Variants in CDH4 observed in about 807,000 individuals in gnomAD.
CDH4 encodes cadherin 4, also known as cadherin-4.
CDH4 carries 33 observed loss-of-function variants against 86.0 expected under a neutral mutation model. The ratio of observed to expected loss-of-function variants is 0.38; its 90% confidence interval spans 0.29 to 0.51. CDH4 has a LOEUF of 0.51. CDH4 is among the 20% of genes least tolerant of loss of function. The pLI is 0.86. For synonymous variants in CDH4, 555 were observed against 549.4 expected, an observed-to-expected ratio of 1.01 and a Z score of -0.14; for missense variants, 1,114 against 1,307.4, an observed-to-expected ratio of 0.85 and a Z score of 2.28.
chr20:61,609,146 C>G (rs531100917), intron 2 of CDH4, among the ~76,000 whole-genome samples: 1 of 152,216 alleles, frequency 6.6e-6, no homozygotes, highest in African/African-American at 2.4e-5. Flanking sequence ...TTAGTGCAAT[C>G]AAGCCATTAT....
At position 61,383,134 on chromosome 20, in the gene CDH4, A is replaced by G. The variant is rs1020148578; in HGVS notation, c.169+128197A>G. On this transcript the variant is annotated intron_variant, in intron 2 of 15. Coordinates refer to ENST00000614565, the MANE Select transcript of CDH4 (RefSeq NM_001794.5). ...TATATAGAATATATATGAATATATT[A>G]TATATATGAATATATATGAATATAT... Among the ~76,000 whole-genome samples the G allele has an allele frequency of 6.5e-5, 6 of 92,854 alleles. 2 individuals are homozygous for G. Among genetic ancestry groups the G allele is most frequent in the African/African-American group, 2.8e-4 (6 of 21,536 alleles). The allele number at this position is 92,854 out of a possible 152,430, so 60.9% of individuals were successfully genotyped here. A position where few individuals can be genotyped will look rare whatever the true frequency, so the allele number is the denominator to read the frequency against.
intron 9 of CDH4, among the ~76,000 whole-genome samples, chr20:61,922,643 C>G (rs57959836): frequency 0.024 from 3,592 of 152,320 alleles, 151 homozygotes; most frequent in African/African-American, 0.082. Context: ...AGAGGAGAAC[C>G]CACTGCCTGC....
intron 2 of CDH4, among the ~76,000 whole-genome samples, chr20:61,543,768 C>T (rs1285670836): frequency 6.6e-6 from 1 of 152,118 alleles, no homozygotes; most frequent in African/African-American, 2.4e-5. Context: ...TGTAAATTGG[C>T]CTCCTGCAAC....
In CDH4 at chr20:61,708,539, G is replaced by A. The variant is rs1045498584; in HGVS notation, c.170-35024G>A. ...GGCCACACAGCCCTGACTCGTAGCC[G>A]GTGGCTGCAGGCTCTTTGCCCCCCA... is the stretch of plus-strand genomic sequence containing the variant. On this transcript the variant is annotated intron_variant, in intron 2 of 15. Transcript: ENST00000614565. This position sits in a 1 kb window ranked among gnomAD's most constrained non-coding sequence, Gnocchi z 4.5. 5.3e-5 allele frequency among the ~76,000 whole-genome samples: 8 copies of A among 152,112 alleles called. No individual in the cohort carries two copies. The highest frequency in any genetic ancestry group is 1.0e-4 in the Non-Finnish European group (7 of 68,028).
At position 61,780,393 on chromosome 20, in the gene CDH4, C is replaced by G. The variant is rs368730186; in HGVS notation, c.576+7211C>G. Among the ~76,000 whole-genome samples the G allele has an allele frequency of 7.2e-5, 11 of 152,320 alleles. No individual in the cohort carries two copies. The East Asian group carries it at 1.7e-3, about 24-fold the overall frequency. The stretch of plus-strand genomic sequence containing the variant: ...CAAGGGGCCAGGGCACCCACTTTGC[C>G]TGCTACTGTGGCAGAGTTTTTGACA... On this transcript the variant is annotated intron_variant, in intron 4 of 15. Transcript: ENST00000614565.
chr20:61,878,349 C>G (rs1462330343), intron 7 of CDH4, among the ~76,000 whole-genome samples: 1 of 152,184 alleles, frequency 6.6e-6, no homozygotes, highest in African/African-American at 2.4e-5. Flanking sequence ...GAGACAGACC[C>G]AGGCGTGGCC....
intron 4 of CDH4, among the ~76,000 whole-genome samples, chr20:61,804,600 TG>T (rs1980026537): frequency 6.6e-6 from 1 of 152,250 alleles, no homozygotes; most frequent in South Asian, 2.1e-4. Context: ...GCATCCCTCC[TG>T]TCTCCTCTGT....
In CDH4 at chr20:61,653,843, C is replaced by T. The variant is rs80218998; in HGVS notation, c.170-89720C>T. Among the ~76,000 whole-genome samples, 1,226 of 134,194 alleles carry T rather than the reference C, an allele frequency of 9.1e-3. 35 individuals carry two copies. The highest frequency in any genetic ancestry group is 0.03 in the African/African-American group (1,132 of 37,252). 88.0% of individuals were successfully genotyped at this position (134,194 alleles called of 152,430 possible). On this transcript the variant is annotated intron_variant, in intron 2 of 15. Transcript: ENST00000614565. ...AGATGGGATGGCGGCCGGGCAGAGA[C>T]GCTCCTCACTTCCTAGATGGGATGG...
At chr20:61,329,383 A>G (rs2084556928) in intron 2 of CDH4, among the ~76,000 whole-genome samples, 2 of 151,464 alleles carry the variant, frequency 1.3e-5, no homozygotes, top group Non-Finnish European at 2.9e-5. Flanking sequence ...AGGTGGCTTT[A>G]AGCCCAGTGT....
chr20:61,661,087 G>GT (rs1555821298), intron 2 of CDH4, among the ~76,000 whole-genome samples: 2 of 141,738 alleles, frequency 1.4e-5, no homozygotes, highest in Non-Finnish European at 3.0e-5. Flanking sequence ...GGCATGGCGG[G>GT]GGGGGGGGAG....
Position 61,392,962 on chromosome 20 carries a change from C to T in CDH4, c.169+138025C>T, listed in dbSNP as rs577853207. On this transcript the variant is annotated intron_variant, in intron 2 of 15. Coordinates refer to ENST00000614565, the MANE Select transcript of CDH4 (RefSeq NM_001794.5). The surrounding 1 kb of genome is among the most constrained non-coding windows in gnomAD (Gnocchi z 5.7). ...CACCCCGATACCCACCAAGGGCAGC[C>T]GAGCCTCCTGCTTGAGCACATGCCT... is the stretch of plus-strand genomic sequence containing the variant. Among the ~76,000 whole-genome samples, 23 of 152,206 alleles carry T rather than the reference C, an allele frequency of 1.5e-4. No individual in the cohort carries two copies. Among genetic ancestry groups the T allele is most frequent in the African/African-American group, 4.8e-4 (20 of 41,536 alleles).
chr20:61,608,449 C>G (rs2086661021), intron 2 of CDH4, among the ~76,000 whole-genome samples: 1 of 152,218 alleles, frequency 6.6e-6, no homozygotes, highest in African/African-American at 2.4e-5. Flanking sequence ...TCCAGCAGCA[C>G]CTGGCCCTGC....
intron 5 of CDH4, 113 bp downstream of exon 5, chr20:61,844,936 A>C: frequency 9.1e-7 from 1 of 1,103,476 alleles, no homozygotes; most frequent in Admixed American, 2.8e-5. Flanking sequence ...TACAGGCAGC[A>C]CTCCAACTTT....
At chr20:61,678,424 CAGA>C (rs747860811) in intron 2 of CDH4, among the ~76,000 whole-genome samples, 2 of 152,296 alleles carry the variant, frequency 1.3e-5, no homozygotes, top group East Asian at 1.9e-4. Context: ...TCAGAATCTT[CAGA>C]AGGAGAGTAA....
intron 2 of CDH4, among the ~76,000 whole-genome samples, chr20:61,677,745 G>T (rs193136227): frequency 7.1e-6 from 1 of 140,928 alleles, no homozygotes; most frequent in African/African-American, 2.7e-5. Context: ...GCAGGTGGAT[G>T]GGTGGATAGG....
intron 5 of CDH4, among the ~76,000 whole-genome samples, chr20:61,849,896 G>C (rs940695950): frequency 2.0e-5 from 3 of 152,068 alleles, no homozygotes; most frequent in African/African-American, 7.2e-5. Context: ...TTCACATCTG[G>C]GACCAGCACC....
intron 2 of CDH4, among the ~76,000 whole-genome samples, chr20:61,430,756 C>T (rs974339826): frequency 1.3e-5 from 2 of 152,134 alleles, no homozygotes; most frequent in African/African-American, 4.8e-5. Flanking sequence ...TCACATTAAC[C>T]GAAAATTGAA....
At chr20:61,700,726 G>T (rs766254579) in intron 2 of CDH4, among the ~76,000 whole-genome samples, 1 of 152,192 alleles carries the variant, frequency 6.6e-6, no homozygotes, top group Non-Finnish European at 1.5e-5. Flanking sequence ...TCACTGTGGG[G>T]CCATGTCTGT....
chr20:61,628,540 G>A (rs952644693), intron 2 of CDH4, among the ~76,000 whole-genome samples: 3 of 152,224 alleles, frequency 2.0e-5, no homozygotes, highest in Non-Finnish European at 4.4e-5. Flanking sequence ...CCGAGCTCCT[G>A]CCCTGCCAGG....
Sources: gnomAD v4.1 joint callset for allele counts (sites outside exome capture counted in the v4.1 genomes callset) on GRCh38, gnomAD v4.1.1 for gene constraint, Gnocchi (gnomAD v3.1) non-coding constraint, MANE v1.5 for transcripts, NCBI Gene and HGNC (gene_info 2026-07-23, HGNC 2026-07-21) for gene names.